The following SCN2A variants were observed in gnomAD, a reference collection of about 807,000 sequenced individuals.
SCN2A encodes the protein sodium voltage-gated channel alpha subunit 2.
In SCN2A, 20 loss-of-function variants were observed where a neutral mutation model predicts 188.7. That is an observed-to-expected ratio of 0.11 (90% CI 0.07 to 0.15). The LOEUF (loss-of-function observed/expected upper bound fraction) is 0.15, where lower values mean the gene tolerates loss of function less well. SCN2A is among the 10% of genes least tolerant of loss of function. SCN2A has a pLI of 1.00. For synonymous variants in SCN2A, 804 were observed against 833.1 expected (o/e 0.97, Z 0.60); for missense variants, 1,278 against 2,445.0 (o/e 0.52, Z 10.07).
intron 11 of SCN2A, among the ~76,000 whole-genome samples, chr2:165,315,985 GT>G (rs1250559193): frequency 6.6e-6 from 1 of 152,140 alleles, no homozygotes; most frequent in African/African-American, 2.4e-5. Flanking sequence ...AAAATTTGCG[GT>G]TTTGAGGTTT....
At chr2:165,364,766 CA>C (rs1327886907) in intron 17 of SCN2A, among the ~76,000 whole-genome samples, 1 of 152,152 alleles carries the variant, frequency 6.6e-6, no homozygotes, top group African/African-American at 2.4e-5. Context: ...GGTTGGGTCA[CA>C]ATTTTAGAAT....
At chr2:165,253,944 A>G (rs1694204190) in intron 1 of SCN2A, among the ~76,000 whole-genome samples, 1 of 151,802 alleles carries the variant, frequency 6.6e-6, no homozygotes, top group African/African-American at 2.4e-5. Flanking sequence ...TTTCTAACTA[A>G]TGTTTACCCC....
chr2:165,329,156 C>G (rs1480419555), intron 13 of SCN2A, among the ~76,000 whole-genome samples: 4 of 152,012 alleles, frequency 2.6e-5, no homozygotes, highest in East Asian at 3.9e-4. Flanking sequence ...TGTTCTCCTT[C>G]TTTTTAACTA....
intron 14 of SCN2A, among the ~76,000 whole-genome samples, chr2:165,339,614 A>G (rs868398523): frequency 1.3e-5 from 2 of 152,304 alleles, no homozygotes; most frequent in South Asian, 4.1e-4. Context: ...ATTTCGAGAC[A>G]CCTATTACTA....
At chr2:165,313,549 A>G in intron 8 of SCN2A, 71 bp from the exon 9 acceptor site, 8 of 1,581,080 alleles carry the variant, frequency 5.1e-6, no homozygotes, top group Non-Finnish European at 7.0e-6. Flanking sequence ...ATTGGCATAT[A>G]TTAAAACAGG....
chr2:165,350,847 G>A (rs1276846491), intron 16 of SCN2A, among the ~76,000 whole-genome samples: 2 of 152,034 alleles, frequency 1.3e-5, no homozygotes, highest in Non-Finnish European at 2.9e-5. Context: ...CGGTAACAAA[G>A]GAAGTCCAGA....
chr2:165,339,603 C>A (rs1368660663), intron 14 of SCN2A, among the ~76,000 whole-genome samples: 1 of 152,042 alleles, frequency 6.6e-6, no homozygotes, highest in Non-Finnish European at 1.5e-5. Flanking sequence ...TTTAACAAAT[C>A]ATTTCGAGAC....
At chr2:165,301,481 A>G (rs1403467208) in intron 3 of SCN2A, among the ~76,000 whole-genome samples, 3 of 152,208 alleles carry the variant, frequency 2.0e-5, no homozygotes, top group Non-Finnish European at 4.4e-5. Context: ...TTCAAACCCT[A>G]TCTCTAAAAT....
At chr2:165,312,846 T>A (rs1697516213) in intron 8 of SCN2A, among the ~76,000 whole-genome samples, 1 of 152,114 alleles carries the variant, frequency 6.6e-6, no homozygotes, top group Non-Finnish European at 1.5e-5. Flanking sequence ...ACTGTGGACA[T>A]TAGTAGCTAA....
chr2:165,387,118 A>G, intron 26 of SCN2A, 102 bp downstream of exon 26: 1 of 1,195,468 alleles, frequency 8.4e-7, no homozygotes, highest in Middle Eastern at 2.4e-4. Context: ...TTCATCCCAA[A>G]CTCCCAAATA....
chr2:165,360,641 T>C (rs1700413794), intron 17 of SCN2A, among the ~76,000 whole-genome samples: 1 of 151,966 alleles, frequency 6.6e-6, no homozygotes, highest in African/African-American at 2.4e-5. Context: ...TTTGATCTCG[T>C]TATTGTCCTG....
chr2:165,354,708 T>C (rs760594182), intron 17 of SCN2A, 37 bp downstream of exon 17: 2 of 1,602,568 alleles, frequency 1.2e-6, no homozygotes, highest in South Asian at 2.2e-5. Context: ...TTTGGTGTTA[T>C]ATAATTCTGT....
chr2:165,291,348 GTTCGTTCCTTCCTTCCTTCCTTCCTTCC>G lies in SCN2A; in HGVS notation c.-51-4421_-51-4394del, dbSNP rs1453679178. On this transcript the variant is annotated intron_variant, in intron 1 of 26. Coordinates refer to ENST00000375437, the MANE Select transcript of SCN2A (RefSeq NM_001040142.2). ...CATGAGCCACCGGGACTTGTCTGTC[GTTCGTTCCTTCCTTCCTTCCTTCCTTCC>G]TTCCTTCCTTCCTTCCTTCCTTCCT... 6.2e-3 allele frequency among the ~76,000 whole-genome samples: 510 copies of G among 82,058 alleles called. 3 individuals carry two copies. Among genetic ancestry groups the G allele is most frequent in the Non-Finnish European group, 8.9e-3 (307 of 34,326 alleles). 53.8% of individuals were successfully genotyped at this position (82,058 alleles called of 152,430 possible). A position where few individuals can be genotyped will look rare whatever the true frequency, so the allele number is the denominator to read the frequency against.
intron 1 of SCN2A, among the ~76,000 whole-genome samples, chr2:165,246,935 A>G (rs1231039859): frequency 2.4e-4 from 36 of 151,626 alleles, no homozygotes; most frequent in Non-Finnish European, 1.5e-4. Context: ...CCTTGACCTC[A>G]CTCTCAGTTG....
chr2:165,381,934 A>G (rs1014931197), intron 25 of SCN2A, among the ~76,000 whole-genome samples: 1 of 152,054 alleles, frequency 6.6e-6, no homozygotes, highest in Admixed American at 6.6e-5. Flanking sequence ...TGTTTCTCAG[A>G]AATCTTGACT....
chr2:165,310,758 TTTC>T, intron 7 of SCN2A, 163 bp downstream of exon 7: 1 of 457,892 alleles, frequency 2.2e-6, no homozygotes, highest in Non-Finnish European at 3.6e-6. Flanking sequence ...TTATTCTATT[TTTC>T]TTATCTGTCC....
intron 17 of SCN2A, among the ~76,000 whole-genome samples, chr2:165,364,148 G>A (rs942614174): frequency 1.3e-5 from 2 of 152,004 alleles, no homozygotes; most frequent in Non-Finnish European, 2.9e-5. Flanking sequence ...TTTTTATAAA[G>A]TATCTCTTAT....
At chr2:165,243,414 A>C (rs1693705786) in intron 1 of SCN2A, among the ~76,000 whole-genome samples, 1 of 151,872 alleles carries the variant, frequency 6.6e-6, no homozygotes, top group East Asian at 1.9e-4. Flanking sequence ...ACCAGCCTGG[A>C]CAACATGCTG....
rs1701574516 is a variant in SCN2A at position 165,381,014 on chromosome 2, A to G, written c.4447-79A>G. Reference sequence around the variant, plus strand: ...ACAATAGAATGAAATGTGGGAGCCAATTTTCACATGATTACTAAGGTGGAT... The same window carrying G: ...ACAATAGAATGAAATGTGGGAGCCAGTTTTCACATGATTACTAAGGTGGAT... On this transcript the variant is annotated intron_variant, in intron 24 of 26. Coordinates refer to ENST00000375437, the MANE Select transcript of SCN2A (RefSeq NM_001040142.2). 6 of 1,009,252 alleles carry G rather than the reference A, an allele frequency of 5.9e-6. No individual in the cohort carries two copies. The Admixed American group carries it at 6.4e-5, about 11-fold the overall frequency. 62.5% of individuals were successfully genotyped at this position (1,009,252 alleles called of 1,614,324 possible).
Sources: allele counts gnomAD v4.1 joint callset (sites outside exome capture counted in the v4.1 genomes callset), GRCh38; gene constraint gnomAD v4.1.1; transcripts MANE v1.5; gene names NCBI Gene and HGNC (gene_info 2026-07-23, HGNC 2026-07-21).